SEC16B: variants seen among roughly 807,000 people sequenced by gnomAD.
SEC16B encodes SEC16 homolog B, endoplasmic reticulum export factor, also known as protein transport protein Sec16B.
Under a neutral mutation model 141.8 loss-of-function variants are expected in SEC16B, and 115 were observed. The observed-to-expected ratio is 0.81, with a 90% confidence interval of 0.70 to 0.95. The LOEUF (loss-of-function observed/expected upper bound fraction) is 0.95, where lower values mean the gene tolerates loss of function less well. SEC16B is among the 40% of genes least tolerant of loss of function. The pLI is 0.00. For missense variants in SEC16B, 1,291 were observed against 1,312.3 expected, an observed-to-expected ratio of 0.98 and a Z score of 0.25; for synonymous variants, 493 against 492.5, an observed-to-expected ratio of 1.00 and a Z score of -0.01.
At chr1:177,952,430 T>G (rs1329321952) in intron 11 of SEC16B, among the ~76,000 whole-genome samples, 1 of 152,124 alleles carries the variant, frequency 6.6e-6, no homozygotes, top group Non-Finnish European at 1.5e-5. Flanking sequence ...CCCACAGCAC[T>G]CAGTGCCGTT....
In SEC16B at chr1:177,933,622, A is replaced by G; in HGVS notation, c.2586T>C (p.Ala862=). 2 of 1,613,984 alleles carry G rather than the reference A, an allele frequency of 1.2e-6. No individual in the cohort carries two copies. Among genetic ancestry groups the G allele is most frequent in the Non-Finnish European group, 1.7e-6 (2 of 1,179,828 alleles). ...AACTCTCAGAAATACTTCGTGGTCT[A>G]GCAGCCAATGGTGTCTGGAATTAAA... ...VISKPQTPLA[A]RPRSISESSA... is the part of the protein sequence containing the mutation. The change falls in exon 21 of 26, where the codon GCT becomes GCC. Residue 862 remains alanine, a synonymous_variant. Transcript: ENST00000308284.
chr1:177,929,517 T>A lies in SEC16B; in HGVS notation c.*341A>T. The A allele has an allele frequency of 3.2e-6, 1 of 311,684 alleles. No homozygotes were observed. The highest frequency in any genetic ancestry group is 4.0e-5 in the South Asian group (1 of 25,222). The allele number at this position is 311,684 out of a possible 1,614,324, so 19.3% of individuals were successfully genotyped here. ...CTTGCTACAGGGCCCTGCGGTATCA[T>A]CTTTGATTCTAGCTGTTAGGGCCCT... On this transcript the variant is annotated 3_prime_UTR_variant, in exon 26 of 26. Transcript: ENST00000308284.
At chr1:177,975,438 G>C (rs1184577012) in intron 1 of SEC16B, among the ~76,000 whole-genome samples, 1 of 152,192 alleles carries the variant, frequency 6.6e-6, no homozygotes. Flanking sequence ...GAAAGTAAAA[G>C]AGAAGGCTGA....
At chr1:177,978,158 G>C (rs1007831460) in intron 1 of SEC16B, among the ~76,000 whole-genome samples, 1 of 152,192 alleles carries the variant, frequency 6.6e-6, no homozygotes, top group African/African-American at 2.4e-5. Context: ...CTGATTAGCT[G>C]TGAGCCTTCA....
chr1:177,946,631 G>C, intron 13 of SEC16B, 100 bp from the exon 14 acceptor site: 1 of 847,576 alleles, frequency 1.2e-6, no homozygotes. Context: ...GGCCTCGGGG[G>C]TCAGAGGGGA....
intron 14 of SEC16B, 24 bp from the exon 15 acceptor site, chr1:177,944,690 A>C: frequency 6.3e-7 from 1 of 1,589,958 alleles, no homozygotes; most frequent in Non-Finnish European, 8.6e-7. Flanking sequence ...ATAACAATAA[A>C]AGAGATTGAG....
At chr1:177,954,461 G>T in intron 10 of SEC16B, 85 bp from the exon 11 acceptor site, 5 of 1,109,540 alleles carry the variant, frequency 4.5e-6, no homozygotes, top group Non-Finnish European at 6.7e-6. Context: ...TGCATCCTGA[G>T]CAGCAGAGGC....
intron 1 of SEC16B, among the ~76,000 whole-genome samples, chr1:177,968,763 T>C (rs1303706792): frequency 6.6e-6 from 1 of 152,146 alleles, no homozygotes; most frequent in Non-Finnish European, 1.5e-5. Context: ...CTAGAACCTA[T>C]ATAATATGGT....
chr1:177,952,057 CA>C, intron 11 of SEC16B, 62 bp from the exon 12 acceptor site: 2 of 1,391,000 alleles, frequency 1.4e-6, no homozygotes, highest in East Asian at 4.9e-5. Context: ...CCATTGCCCA[CA>C]AGGCTCAGGG....
In SEC16B at chr1:177,932,493, T is replaced by C. The variant is rs779681320; in HGVS notation, c.3009A>G (p.Pro1003=). ...AGAGVGGLSG[P]ESVSFELCSN... ...CCAGCCCAGGGGGGCCGCTTACCTC[T>C]GGTCCAGACAAGCCTCCAACCCCAG... The change falls in exon 24 of 26, where the codon CCA becomes CCG. Residue 1003 remains proline, a synonymous_variant. Transcript: ENST00000308284. 2.2e-5 allele frequency: 34 copies of C among 1,541,542 alleles called. No homozygotes were observed. In the East Asian group the frequency reaches 2.5e-4, roughly 11 times the overall value.
chr1:177,975,923 C>T lies in SEC16B; in HGVS notation c.-58-7884G>A, dbSNP rs1365286609. 2.0e-5 allele frequency among the ~76,000 whole-genome samples: 3 copies of T among 152,160 alleles called. No homozygotes were observed. The East Asian group carries it at 5.8e-4, about 29-fold the overall frequency. On this transcript the variant is annotated intron_variant and NMD_transcript_variant, in intron 1 of 24. Coordinates refer to the SEC16B transcript ENST00000528461. ...CAGACAAGATGCAGAGCGTCCTGTGCTGCTCAGCTGTTCTAGTTATTAGGA... is the reference window on the plus strand; with the variant it reads ...CAGACAAGATGCAGAGCGTCCTGTGTTGCTCAGCTGTTCTAGTTATTAGGA...
rs768785040 is a variant in SEC16B at position 177,937,450 on chromosome 1, G to A, written c.2267C>T (p.Ser756Leu). ...CTGCTCAGGTGTCAGCCACAGAGCT[G>A]AGCGGTACCCAGGGGCTTCAGAGTA... ...QGYSEAPGYRSALWLTPEQTC... is the reference protein window; with the variant it reads ...QGYSEAPGYRLALWLTPEQTC... The change falls in exon 19 of 26, where the codon TCA becomes TTA. Residue 756 changes from serine to leucine, a missense_variant. This residue lies in a region of SEC16B where 605 missense variants were observed against 614.1 expected (regional missense o/e 0.99). Transcript: ENST00000308284. 3.7e-6 allele frequency: 6 copies of A among 1,604,420 alleles called. No individual in the cohort carries two copies. The highest frequency in any genetic ancestry group is 1.1e-5 in the South Asian group (1 of 89,242).
In SEC16B at chr1:177,940,645, G is replaced by T. The variant is rs1254772085; in HGVS notation, c.2092C>A (p.Pro698Thr). 4 of 1,613,878 alleles carry T rather than the reference G, an allele frequency of 2.5e-6. No individual in the cohort carries two copies. Among genetic ancestry groups the T allele is most frequent in the Admixed American group, 1.7e-5 (1 of 60,032 alleles). The change falls in exon 17 of 26, where the codon CCA (proline) becomes ACA (threonine). Residue 698 changes from proline (P) to threonine (T), a missense_variant. Coordinates refer to ENST00000308284, the MANE Select transcript of SEC16B (RefSeq NM_033127.4). ...ERRSGDRDLEPDWLAQLRRQL... is the reference protein window; with the variant it reads ...ERRSGDRDLETDWLAQLRRQL... ...CTCCGAAGTTGCGCTAGCCAATCTG[G>T]CTCCAGGTCCCTGTCTCCACTGCGT... is the stretch of plus-strand genomic sequence containing the variant.
upstream of SEC16B, among the ~76,000 whole-genome samples, chr1:177,974,335 A>T (rs1654083503): frequency 1.3e-5 from 2 of 152,182 alleles, no homozygotes; most frequent in Non-Finnish European, 1.5e-5. Context: ...TCACTGAAGA[A>T]ATGCTTAGAA....
rs183052044 is a variant in SEC16B at position 177,933,576 on chromosome 1, C to T, written c.2632G>A (p.Asp878Asn). Residue 878 changes from aspartate (D) to asparagine (N), a missense_variant, in exon 21 of 26, where the codon GAT (aspartate) becomes AAT (asparagine). Asp to Asn is a conservative substitution (Grantham distance 23). This residue lies in a region of SEC16B where 605 missense variants were observed against 614.1 expected (regional missense o/e 0.99). Transcript: ENST00000308284. ...GCCTCATCAGAGGACTCCTTCTCAT[C>T]CTCCTTGGCTGAACTGGCGGAACTC... ...SESSASSAKE[D>N]EKESSDEADK... 6.2e-7 allele frequency: 1 copy of T among 1,614,030 alleles called. No individual in the cohort carries two copies. Among genetic ancestry groups the T allele is most frequent in the African/African-American group, 1.3e-5 (1 of 75,054 alleles).
In SEC16B at chr1:177,930,722, T is replaced by C. The variant is rs181231598; in HGVS notation, c.3013-79A>G. On this transcript the variant is annotated intron_variant, in intron 24 of 25. Transcript: ENST00000308284. ...AATGTCGAGGCCTTCAAGAAGCATATCAGGATTATTTGTTTTTTTCTCAGT... is the reference window on the plus strand; with the variant it reads ...AATGTCGAGGCCTTCAAGAAGCATACCAGGATTATTTGTTTTTTTCTCAGT... 1.1e-4 allele frequency: 109 copies of C among 973,638 alleles called. 1 individual carries two copies. The East Asian group carries it at 1.4e-3, about 13-fold the overall frequency. The allele number at this position is 973,638 out of a possible 1,614,324, so 60.3% of individuals were successfully genotyped here.
chr1:177,973,262 G>A (rs1319459621), upstream of SEC16B: 1 of 152,106 alleles, frequency 6.6e-6, no homozygotes, highest in African/African-American at 2.4e-5. Context: ...TCTTGCAAAG[G>A]GCAGCTCAGC....
chr1:177,978,004 T>C (rs2102026381), intron 1 of SEC16B, among the ~76,000 whole-genome samples: 1 of 152,324 alleles, frequency 6.6e-6, no homozygotes, highest in Admixed American at 6.5e-5. Flanking sequence ...AATAAATCTT[T>C]GCTCTTCTCT....
At chr1:177,938,026 A>T (rs1396849050) in intron 18 of SEC16B, among the ~76,000 whole-genome samples, 1 of 152,124 alleles carries the variant, frequency 6.6e-6, no homozygotes, top group African/African-American at 2.4e-5. Flanking sequence ...GCACCCCTAC[A>T]CCTTAAGAAA....
Sources: allele counts gnomAD v4.1 joint callset (sites outside exome capture counted in the v4.1 genomes callset), GRCh38; gene constraint gnomAD v4.1.1; regional missense constraint gnomAD v4.1.1; transcripts MANE v1.5; gene names NCBI Gene and HGNC (gene_info 2026-07-23, HGNC 2026-07-21).